The following GLT8D2 variants were observed in gnomAD, a reference collection of about 807,000 sequenced individuals.
The protein encoded by GLT8D2 is glycosyltransferase 8 domain-containing protein 2.
A neutral mutation model predicts 44.5 loss-of-function variants in GLT8D2; 45 were observed. The observed-to-expected ratio is 1.01, with a 90% CI of 0.80 to 1.30. GLT8D2 has a LOEUF of 1.30. GLT8D2 is among the 50% of genes most tolerant of loss of function. The pLI is 0.00. For missense variants in GLT8D2, 400 were observed against 430.4 expected (o/e 0.93, Z 0.62); for synonymous variants, 156 against 157.2 (o/e 0.99, Z 0.06).
chr12:104,015,910 T>C (rs1440852910), intron 3 of GLT8D2, among the ~76,000 whole-genome samples: 2 of 149,346 alleles, frequency 1.3e-5, no homozygotes, highest in East Asian at 4.1e-4. Flanking sequence ...GGCTGAGGCA[T>C]GAGAATTGCT....
At chr12:104,015,295 C>T (rs1364908206) in intron 3 of GLT8D2, among the ~76,000 whole-genome samples, 190 bp from the exon 4 acceptor site, 4 of 151,840 alleles carry the variant, frequency 2.6e-5, no homozygotes, top group Non-Finnish European at 5.9e-5. Context: ...TGCCTGTAAT[C>T]CCAGTACTTT....
chr12:104,041,274 C>T (rs1880520615), intron 1 of GLT8D2, among the ~76,000 whole-genome samples: 2 of 152,088 alleles, frequency 1.3e-5, no homozygotes, highest in South Asian at 2.1e-4. Flanking sequence ...ATTAGCTGGG[C>T]GTGGTGACAG....
chr12:104,011,154 G>C (rs1875782783), intron 4 of GLT8D2, among the ~76,000 whole-genome samples: 1 of 152,204 alleles, frequency 6.6e-6, no homozygotes, highest in Admixed American at 6.5e-5. Context: ...ATGCACACTG[G>C]AGAAATGTGG....
At chr12:104,007,506 G>A (rs1407987897) in intron 4 of GLT8D2, among the ~76,000 whole-genome samples, 2 of 151,896 alleles carry the variant, frequency 1.3e-5, no homozygotes, top group African/African-American at 2.4e-5. Context: ...TCCACCACTA[G>A]AATAATTTTG....
At chr12:104,032,901 G>C (rs1202723865) in intron 1 of GLT8D2, among the ~76,000 whole-genome samples, 1 of 143,138 alleles carries the variant, frequency 7.0e-6, no homozygotes. Context: ...TTTTGAGACA[G>C]TGATTCGTTA....
chr12:104,031,497 G>T (rs1290449860), intron 1 of GLT8D2: 1 of 1,613,152 alleles, frequency 6.2e-7, no homozygotes, highest in East Asian at 2.2e-5. Context: ...GAGACGGTGC[G>T]CAAAGCCATG....
chr12:104,041,747 G>T (rs1880577749), intron 1 of GLT8D2, among the ~76,000 whole-genome samples: 1 of 152,190 alleles, frequency 6.6e-6, no homozygotes, highest in Non-Finnish European at 1.5e-5. Flanking sequence ...TAAGTCCCCA[G>T]TTAGTCCACA....
In GLT8D2 at chr12:103,994,420, G is replaced by A. The variant is rs1270657379; in HGVS notation, c.682C>T (p.Pro228Ser). The change falls in exon 9 of 11, where the codon CCT (proline) becomes TCT (serine). Residue 228 changes from proline (P) to serine (S), a missense_variant. Transcript: ENST00000360814. The stretch of plus-strand genomic sequence containing the variant: ...GTCATGTTGGCAACAATCACACCAG[G>A]ATTGAAAGAGCAGGTGCTGGGGCTG... Reference protein sequence around the residue: ...GISPSTCSFNPGVIVANMTEW... With the variant: ...GISPSTCSFNSGVIVANMTEW... The A allele has an allele frequency of 1.2e-6, 2 of 1,614,092 alleles. No individual in the cohort carries two copies. The highest frequency in any genetic ancestry group is 1.7e-6 in the Non-Finnish European group (2 of 1,179,958).
At position 104,019,624 on chromosome 12, in the gene GLT8D2, T is replaced by A. The variant is rs1184464314; in HGVS notation, c.19+6A>T. On this transcript the variant is annotated splice_donor_region_variant and intron_variant, in intron 3 of 10. Coordinates refer to ENST00000360814, the MANE Select transcript of GLT8D2 (RefSeq NM_001384711.1). The stretch of plus-strand genomic sequence containing the variant: ...AAATCATTATTTTCAAAAGTTGAAA[T>A]CTTACTTTTTCGTAACAGAGCCATG... 6.2e-7 allele frequency: 1 copy of A among 1,606,754 alleles called. No homozygotes were observed. The highest frequency in any genetic ancestry group is 1.1e-5 in the South Asian group (1 of 90,458).
At chr12:104,063,773 G>T (rs1301837639) in intron 1 of GLT8D2, among the ~76,000 whole-genome samples, 5 of 152,078 alleles carry the variant, frequency 3.3e-5, no homozygotes, top group African/African-American at 9.7e-5. Context: ...CCCCGTCCAT[G>T]AAAGGGAGAT....
Position 103,989,277 on chromosome 12 carries a change from A to G in GLT8D2, c.*131T>C, listed in dbSNP as rs1397394677. 3 of 683,150 alleles carry G rather than the reference A, an allele frequency of 4.4e-6. No individual in the cohort carries two copies. Among genetic ancestry groups the G allele is most frequent in the African/African-American group, 1.8e-5 (1 of 55,150 alleles). The allele number at this position is 683,150 out of a possible 1,614,324, so 42.3% of individuals were successfully genotyped here. On this transcript the variant is annotated 3_prime_UTR_variant, in exon 11 of 11. Coordinates refer to ENST00000360814, the MANE Select transcript of GLT8D2 (RefSeq NM_001384711.1). ...ATGGTCCAAGGTATAATTTGCACAC[A>G]GTAGTTTTTGGTTTTTATATTGTGG...
At chr12:103,995,447 T>C (rs141015332) in intron 8 of GLT8D2, among the ~76,000 whole-genome samples, 174 of 152,346 alleles carry the variant, frequency 1.1e-3, no homozygotes, top group African/African-American at 3.9e-3. Context: ...GTTTCCCCTC[T>C]AACCATCTGC....
chr12:103,992,473 T>TTCTC (rs748084033), intron 10 of GLT8D2, among the ~76,000 whole-genome samples: 7 of 150,252 alleles, frequency 4.7e-5, no homozygotes, highest in Admixed American at 4.0e-4. Context: ...ACAGTGAAAG[T>TTCTC]TCTCTCTCTC....
rs775355946 is a variant in GLT8D2, at chr12:104,003,148, G to C, written c.271C>G (p.Leu91Val). 1.8e-5 allele frequency: 29 copies of C among 1,614,022 alleles called. No homozygotes were observed. Among genetic ancestry groups the C allele is most frequent in the Non-Finnish European group, 2.4e-5 (28 of 1,179,910 alleles). Residue 91 changes from leucine (L) to valine (V), a missense_variant, in exon 5 of 11, where the codon CTG becomes GTG. Transcript: ENST00000360814. ...GACATAACTTACCGTATTCGAGTCA[G>C]AGTATTCCGGAGTCCCACTACATAG... Reference protein sequence around the residue: ...LFYVVGLRNTLTRIRKWIEHS... With the variant: ...LFYVVGLRNTVTRIRKWIEHS...
chr12:104,054,341 G>A (rs1322069229), upstream of GLT8D2, among the ~76,000 whole-genome samples: 1 of 152,034 alleles, frequency 6.6e-6, no homozygotes, highest in African/African-American at 2.4e-5. Flanking sequence ...AAAAATAGCA[G>A]GATTTCCTTT....
In GLT8D2 at chr12:104,003,163, C is replaced by A; in HGVS notation, c.256G>T (p.Gly86Ter). 1.2e-6 allele frequency: 2 copies of A among 1,613,916 alleles called. No homozygotes were observed. The highest frequency in any genetic ancestry group is 1.7e-6 in the Non-Finnish European group (2 of 1,179,946). Reference protein sequence around the residue: ...TDANILFYVVGLRNTLTRIRK... With the variant: ...TDANILFYVV The stretch of plus-strand genomic sequence containing the variant: ...ATTCGAGTCAGAGTATTCCGGAGTC[C>A]CACTACATAGAACAAGATGTTGGCG... Residue 86 changes from glycine (G) to a stop codon, truncating the protein, a stop_gained, in exon 5 of 11, where the codon GGA becomes TGA. Coordinates refer to ENST00000360814, the MANE Select transcript of GLT8D2 (RefSeq NM_001384711.1). LOFTEE classifies it high-confidence loss of function.
chr12:104,001,808 A>G (rs1448787486), intron 5 of GLT8D2, among the ~76,000 whole-genome samples: 1 of 152,090 alleles, frequency 6.6e-6, no homozygotes, highest in Non-Finnish European at 1.5e-5. Flanking sequence ...GGTTTAAGCC[A>G]TTCTCTGGCC....
At chr12:104,037,687 T>G (rs1016605424) in intron 1 of GLT8D2, among the ~76,000 whole-genome samples, 4 of 152,184 alleles carry the variant, frequency 2.6e-5, no homozygotes, top group African/African-American at 7.2e-5. Flanking sequence ...CAGGACCAGA[T>G]GGATTCACAG....
chr12:104,015,603 G>A (rs1313795900), intron 3 of GLT8D2, among the ~76,000 whole-genome samples: 3 of 151,876 alleles, frequency 2.0e-5, no homozygotes, highest in African/African-American at 7.3e-5. Context: ...CAAACAGAAA[G>A]AATTAACCTG....
Sources: allele counts gnomAD v4.1 joint callset (sites outside exome capture counted in the v4.1 genomes callset), GRCh38; gene constraint gnomAD v4.1.1; transcripts MANE v1.5; gene names NCBI Gene and HGNC (gene_info 2026-07-23, HGNC 2026-07-21).